RNF139: variants seen among roughly 807,000 people sequenced by gnomAD.
RNF139 encodes E3 ubiquitin-protein ligase RNF139.
A neutral mutation model predicts 49.5 loss-of-function variants in RNF139; 15 were observed. The observed-to-expected ratio is 0.30, with a 90% confidence interval of 0.20 to 0.47. RNF139 has a LOEUF of 0.47. RNF139 is among the 20% of genes least tolerant of loss of function. The probability of loss-of-function intolerance (pLI) is 1.00; values close to 1 mark genes in which losing one functional copy is unlikely to be tolerated. For synonymous variants in RNF139, 325 were observed against 300.9 expected (o/e 1.08, Z -0.83); for missense variants, 619 against 806.3 (o/e 0.77, Z 2.81).
At chr8:124,485,296 A>T (rs1816509822) in intron 1 of RNF139, among the ~76,000 whole-genome samples, 1 of 152,184 alleles carries the variant, frequency 6.6e-6, no homozygotes, top group South Asian at 2.1e-4. Flanking sequence ...CCTGGGAGGC[A>T]GAATTTGCAG....
chr8:124,485,969 G>T lies in RNF139; in HGVS notation c.320G>T (p.Gly107Val). The change falls in exon 2 of 2, where the codon GGT becomes GTT. Residue 107 changes from glycine (G) to valine (V), a missense_variant. This residue lies in a region of RNF139 where 530 missense variants were observed against 728.9 expected (regional missense o/e 0.73). Transcript: ENST00000303545. ...YYASLHIDFY[G>V]AYNTSAFGIE... ...GCTTCTTTGCACATTGACTTCTATG[G>T]TGCCTACAACACGTCAGCTTTTGGA... 1 of 1,614,158 alleles carries T rather than the reference G, an allele frequency of 6.2e-7. No homozygotes were observed. Among genetic ancestry groups the T allele is most frequent in the Non-Finnish European group, 8.5e-7 (1 of 1,180,026 alleles).
At position 124,486,347 on chromosome 8, in the gene RNF139, G is replaced by A. The variant is rs994343603; in HGVS notation, c.698G>A (p.Arg233His). The A allele has an allele frequency of 1.2e-6, 2 of 1,613,986 alleles. No homozygotes were observed. Among genetic ancestry groups the A allele is most frequent in the East Asian group, 2.2e-5 (1 of 44,900 alleles). ...LLMEDTWKRI[R>H]FPDILRVFWL... ...ATGGAGGACACATGGAAGAGGATTCGTTTCCCAGACATACTACGAGTCTTT... is the reference window on the plus strand; with the variant it reads ...ATGGAGGACACATGGAAGAGGATTCATTTCCCAGACATACTACGAGTCTTT... The change falls in exon 2 of 2, where the codon CGT becomes CAT. Residue 233 changes from arginine (R) to histidine (H), a missense_variant. Arg to His is a conservative substitution (Grantham distance 29). Around this residue, in one of 2 missense-constraint regions of RNF139, gnomAD observed 530 missense variants for 728.9 expected, o/e 0.73. Transcript: ENST00000303545.
In RNF139 at chr8:124,475,242, A is replaced by G. The variant is rs1030087140; in HGVS notation, c.133A>G (p.Ser45Gly). 7 of 1,613,606 alleles carry G rather than the reference A, an allele frequency of 4.3e-6. No individual in the cohort carries two copies. Among genetic ancestry groups the G allele is most frequent in the Non-Finnish European group, 5.9e-6 (7 of 1,179,834 alleles). The change falls in exon 1 of 2, where the codon AGC (serine) becomes GGC (glycine). Residue 45 changes from serine to glycine, a missense_variant. Ser to Gly is a moderately conservative substitution (Grantham distance 56). Around this residue, in one of 2 missense-constraint regions of RNF139, gnomAD observed 89 missense variants for 77.5 expected, o/e 1.15. Coordinates refer to ENST00000303545, the MANE Select transcript of RNF139 (RefSeq NM_007218.4). ...CATCTTCAACTCCTACCCGGATTCC[A>G]GCCAAAGCCGGTTCTGCATCGTGCT... ...DAIFNSYPDSSQSRFCIVLQI... is the reference protein window; with the variant it reads ...DAIFNSYPDSGQSRFCIVLQI...
At chr8:124,485,769 C>CT in intron 1 of RNF139, 62 bp from the exon 2 acceptor site, 1 of 1,343,124 alleles carries the variant, frequency 7.4e-7, no homozygotes, top group South Asian at 1.4e-5. Context: ...TATCATAACT[C>CT]TTAGTGGGGA....
chr8:124,487,664 T>G lies in RNF139; in HGVS notation c.*20T>G, dbSNP rs190463625. ...GACTGATGAAAATAGCATTTATTAA[T>G]GATTGAGGTATTTGTTTAAAATTCA... On this transcript the variant is annotated 3_prime_UTR_variant, in exon 2 of 2. Transcript: ENST00000303545. 161 of 1,569,308 alleles carry G rather than the reference T, an allele frequency of 1.0e-4. 1 individual carries two copies. The highest frequency in any genetic ancestry group is 9.2e-4 in the South Asian group (77 of 83,964).
chr8:124,487,325 G>T lies in RNF139; in HGVS notation c.1676G>T (p.Arg559Leu). Reference sequence around the variant, plus strand: ...TATCATGAGTTTACAACATCTGCTCGTATTACACCGTGTAATCATTATTTC... The same window carrying T: ...TATCATGAGTTTACAACATCTGCTCTTATTACACCGTGTAATCATTATTTC... ...ICYHEFTTSA[R>L]ITPCNHYFHA... Residue 559 changes from arginine (R) to leucine (L), a missense_variant, in exon 2 of 2, where the codon CGT (arginine) becomes CTT (leucine). Transcript: ENST00000303545. The T allele has an allele frequency of 6.2e-7, 1 of 1,613,976 alleles. No homozygotes were observed. The highest frequency in any genetic ancestry group is 8.5e-7 in the Non-Finnish European group (1 of 1,179,922).
At chr8:124,485,602 A>G (rs1172919906) in intron 1 of RNF139, among the ~76,000 whole-genome samples, 1 of 151,024 alleles carries the variant, frequency 6.6e-6, no homozygotes, top group Non-Finnish European at 1.5e-5. Context: ...TGGAAATTAG[A>G]AAGTAAGGAA....
intron 1 of RNF139, among the ~76,000 whole-genome samples, chr8:124,480,155 T>G (rs1816384490): frequency 6.6e-6 from 1 of 150,916 alleles, no homozygotes. Context: ...AAAAAAATAG[T>G]CATTTCTAAG....
intron 1 of RNF139, among the ~76,000 whole-genome samples, chr8:124,477,474 T>A (rs780401301): frequency 2.0e-5 from 3 of 152,224 alleles, no homozygotes; most frequent in Non-Finnish European, 4.4e-5. Flanking sequence ...CTCACTTTTT[T>A]CTTTAAAATT....
Position 124,487,761 on chromosome 8 carries a change from A to T in RNF139, c.*117A>T. The T allele has an allele frequency of 1.0e-6, 1 of 991,702 alleles. No homozygotes were observed. Among genetic ancestry groups the T allele is most frequent in the Non-Finnish European group, 1.5e-6 (1 of 689,274 alleles). 61.4% of individuals were successfully genotyped at this position (991,702 alleles called of 1,614,324 possible). A position where few individuals can be genotyped will look rare whatever the true frequency, so the allele number is the denominator to read the frequency against. ...AGCACAAAAACAGTATCAATGTTGA[A>T]TCTGTGAATGGTTTTCCGTTTACTG... On this transcript the variant is annotated 3_prime_UTR_variant, in exon 2 of 2. Coordinates refer to ENST00000303545, the MANE Select transcript of RNF139 (RefSeq NM_007218.4).
At chr8:124,478,200 A>G (rs1042650432) in intron 1 of RNF139, among the ~76,000 whole-genome samples, 3 of 152,048 alleles carry the variant, frequency 2.0e-5, no homozygotes, top group African/African-American at 7.2e-5. Context: ...AATGCCTAAG[A>G]CAAGCAATTC....
chr8:124,482,939 A>T (rs1290146773), intron 1 of RNF139, among the ~76,000 whole-genome samples: 25 of 89,558 alleles, frequency 2.8e-4, no homozygotes, highest in Non-Finnish European at 4.8e-4. Context: ...AAAATATAAA[A>T]AAAAATATAT....
intron 1 of RNF139, among the ~76,000 whole-genome samples, chr8:124,477,229 T>G (rs1816328796): frequency 6.6e-6 from 1 of 152,230 alleles, no homozygotes; most frequent in African/African-American, 2.4e-5. Flanking sequence ...ACTCTTCAAA[T>G]CTATCATCCG....
rs1477243595 is a variant in RNF139 at position 124,485,820 on chromosome 8, C to T, written c.182-11C>T. The T allele has an allele frequency of 2.6e-6, 4 of 1,557,766 alleles. No individual in the cohort carries two copies. Among genetic ancestry groups the T allele is most frequent in the East Asian group, 4.5e-5 (2 of 44,012 alleles). On this transcript the variant is annotated splice_polypyrimidine_tract_variant and intron_variant, in intron 1 of 1. Coordinates refer to ENST00000303545, the MANE Select transcript of RNF139 (RefSeq NM_007218.4). ...ACTTCATTCAAATGACTTTTTCTTT[C>T]TTTCTTTTAGGTGTATTTGCATCCA...
intron 1 of RNF139, among the ~76,000 whole-genome samples, chr8:124,482,237 T>G (rs1285013087): frequency 2.0e-5 from 3 of 152,138 alleles, no homozygotes; most frequent in African/African-American, 7.2e-5. Flanking sequence ...TCACTAGAAA[T>G]GTTTCTAAAA....
rs777236399 is a variant in RNF139, at chr8:124,487,381, A to C, written c.1732A>C (p.Ile578Leu). 6.2e-7 allele frequency: 1 copy of C among 1,614,172 alleles called. No individual in the cohort carries two copies. The highest frequency in any genetic ancestry group is 1.1e-5 in the South Asian group (1 of 91,084). ...HALCLRKWLYIQDTCPMCHQK... is the reference protein window; with the variant it reads ...HALCLRKWLYLQDTCPMCHQK... ...ACTTTGCCTTCGGAAATGGCTGTAC[A>C]TTCAAGATACTTGTCCAATGTGCCA... Residue 578 changes from isoleucine to leucine, a missense_variant, in exon 2 of 2, where the codon ATT (isoleucine) becomes CTT (leucine). By Grantham distance (5) the Ile-to-Leu change is conservative (BLOSUM62 2). Transcript: ENST00000303545.
Position 124,487,557 on chromosome 8 carries a change from T to C in RNF139, c.1908T>C (p.Asp636=). The C allele has an allele frequency of 1.9e-6, 3 of 1,614,092 alleles. No homozygotes were observed. The highest frequency in any genetic ancestry group is 1.7e-6 in the Non-Finnish European group (2 of 1,179,986). ...DRELNEDDST[D]CDDDVQRERN... is the part of the protein sequence containing the mutation. ...AATTGAACGAAGATGACAGTACAGA[T>C]TGTGATGATGATGTTCAAAGAGAAA... The change falls in exon 2 of 2, where the codon GAT becomes GAC. Residue 636 remains aspartate (D), a synonymous_variant. Coordinates refer to ENST00000303545, the MANE Select transcript of RNF139 (RefSeq NM_007218.4).
chr8:124,477,679 T>C (rs1816336128), intron 1 of RNF139, among the ~76,000 whole-genome samples: 1 of 152,188 alleles, frequency 6.6e-6, no homozygotes, highest in Non-Finnish European at 1.5e-5. Context: ...TCTATGACAA[T>C]ATATGGAATA....
intron 1 of RNF139, among the ~76,000 whole-genome samples, chr8:124,484,069 T>G (rs1250408457): frequency 6.6e-6 from 1 of 152,182 alleles, no homozygotes; most frequent in Admixed American, 6.5e-5. Context: ...GAAAGAACAG[T>G]TTCTATCAAA....
Sources: allele counts gnomAD v4.1 joint callset (sites outside exome capture counted in the v4.1 genomes callset), GRCh38; gene constraint gnomAD v4.1.1; regional missense constraint gnomAD v4.1.1; transcripts MANE v1.5; gene names NCBI Gene and HGNC (gene_info 2026-07-23, HGNC 2026-07-21).